The following MATN2 variants were observed in gnomAD, a reference collection of about 807,000 sequenced individuals.
The protein encoded by MATN2 is matrilin-2.
Under a neutral mutation model 103.2 loss-of-function variants are expected in MATN2, and 69 were observed. That is an observed-to-expected ratio of 0.67 (90% CI 0.55 to 0.82). The LOEUF (loss-of-function observed/expected upper bound fraction) is 0.82, where lower values mean the gene tolerates loss of function less well. Ranked by LOEUF, MATN2 falls within the 40% of genes least tolerant of loss-of-function variation. The pLI, the probability that MATN2 is intolerant of heterozygous loss-of-function variation, is 0.00. For synonymous variants in MATN2, 429 were observed against 450.2 expected, an observed-to-expected ratio of 0.95 and a Z score of 0.60; for missense variants, 1,023 against 1,211.5, an observed-to-expected ratio of 0.84 and a Z score of 2.31.
chr8:97,992,161 G>A (rs1400939709), intron 6 of MATN2, among the ~76,000 whole-genome samples: 1 of 152,144 alleles, frequency 6.6e-6, no homozygotes, highest in Middle Eastern at 3.2e-3. Context: ...AACACGGACT[G>A]TTTTTAAGGG....
rs555258922 is a variant in MATN2 at position 97,982,339 on chromosome 8, C to T, written c.1081+3331C>T. On this transcript the variant is annotated intron_variant, in intron 6 of 18. Coordinates refer to ENST00000254898, the MANE Select transcript of MATN2 (RefSeq NM_002380.5). The surrounding 1 kb of genome is among the most constrained non-coding windows in gnomAD (Gnocchi z 4.3). ...CAGGATAGAGGCAGAAGCTCAGAAC[C>T]GAAGCAGCCACCCTGTTTTAGTGAG... 4.2e-5 allele frequency among the ~76,000 whole-genome samples: 6 copies of T among 144,330 alleles called. No homozygotes were observed. The highest frequency in any genetic ancestry group is 8.8e-5 in the Non-Finnish European group (6 of 67,800). The allele number at this position is 144,330 out of a possible 152,430, so 94.7% of individuals were successfully genotyped here. A position where few individuals can be genotyped will look rare whatever the true frequency, so the allele number is the denominator to read the frequency against.
chr8:97,952,194 T>G (rs1404025231), intron 4 of MATN2: 1 of 152,230 alleles, frequency 6.6e-6, no homozygotes, highest in African/African-American at 2.4e-5. Flanking sequence ...TTTACCCAGT[T>G]GAGTGAAATG....
chr8:97,964,009 C>CT (rs1279182040), intron 5 of MATN2, among the ~76,000 whole-genome samples: 2 of 152,034 alleles, frequency 1.3e-5, no homozygotes, highest in Non-Finnish European at 2.9e-5. Context: ...ATCCTAATGG[C>CT]TAGGCTGGAA....
At chr8:97,906,198 G>C (rs1013918290) in intron 2 of MATN2, among the ~76,000 whole-genome samples, 3 of 152,108 alleles carry the variant, frequency 2.0e-5, no homozygotes, top group African/African-American at 7.2e-5. Context: ...ACCAATACTT[G>C]TTATTTTCAT....
At chr8:97,884,773 TAACAACA>T (rs1818371829) in intron 1 of MATN2, among the ~76,000 whole-genome samples, 1 of 151,700 alleles carries the variant, frequency 6.6e-6, no homozygotes, top group Non-Finnish European at 1.5e-5. Flanking sequence ...TGTCTCCAAA[TAACAACA>T]ACAACAACAA....
At chr8:97,981,351 A>C (rs1812014541) in intron 6 of MATN2, among the ~76,000 whole-genome samples, 1 of 151,890 alleles carries the variant, frequency 6.6e-6, no homozygotes. Context: ...CAATCCTCCC[A>C]CCTCAGCCTC....
At position 97,994,107 on chromosome 8, in the gene MATN2, AAAGGAAGG is replaced by A. The variant is rs149580915; in HGVS notation, c.1082-360_1082-353del. ...GAAAGAAAGAAGAAAGGAAGAAAGG[AAAGGAAGG>A]AAGGAAGGAAGGGAGAGAGAGGAAG... is the stretch of plus-strand genomic sequence containing the variant. On this transcript the variant is annotated intron_variant, in intron 6 of 18. Coordinates refer to ENST00000254898, the MANE Select transcript of MATN2 (RefSeq NM_002380.5). Among the ~76,000 whole-genome samples, 194 of 147,868 alleles carry A rather than the reference AAAGGAAGG, an allele frequency of 1.3e-3. 1 individual carries two copies. The highest frequency in any genetic ancestry group is 4.6e-3 in the African/African-American group (184 of 39,756).
rs145411665 is a variant in MATN2 at position 97,933,090 on chromosome 8, A to G, written c.712+1568A>G. Among the ~76,000 whole-genome samples the G allele has an allele frequency of 2.0e-5, 3 of 152,356 alleles. No individual in the cohort carries two copies. The East Asian group carries it at 5.8e-4, about 29-fold the overall frequency. The stretch of plus-strand genomic sequence containing the variant: ...CTGCTGAGAACTAACTTCAAAAAGC[A>G]CAGAGATCTCATTTGTTCTTGACTC... On this transcript the variant is annotated intron_variant, in intron 3 of 18. Transcript: ENST00000254898.
At chr8:97,941,972 C>T (rs920695336) in intron 4 of MATN2, 73 bp downstream of exon 4, 4 of 1,558,812 alleles carry the variant, frequency 2.6e-6, no homozygotes, top group East Asian at 4.7e-5. Flanking sequence ...TATCTGGGCT[C>T]ATTTTATTCA....
At position 97,988,777 on chromosome 8, in the gene MATN2, T is replaced by C. The variant is rs79985098; in HGVS notation, c.1082-5703T>C. On this transcript the variant is annotated intron_variant, in intron 6 of 18. Coordinates refer to ENST00000254898, the MANE Select transcript of MATN2 (RefSeq NM_002380.5). ...TACCAAAAATTTGAAGAAAAACTCA[T>C]ACTAATTCTACACAAATTATTCCAA... is the stretch of plus-strand genomic sequence containing the variant. 6.3e-3 allele frequency among the ~76,000 whole-genome samples: 967 copies of C among 152,284 alleles called. 13 individuals are homozygous for C. The highest frequency in any genetic ancestry group is 0.022 in the African/African-American group (910 of 41,560).
intron 4 of MATN2, among the ~76,000 whole-genome samples, chr8:97,957,216 G>A (rs1398621383): frequency 6.6e-6 from 1 of 152,230 alleles, no homozygotes; most frequent in Non-Finnish European, 1.5e-5. Flanking sequence ...GGTGGAGAAG[G>A]TGGAAGGCTG....
intron 12 of MATN2, among the ~76,000 whole-genome samples, chr8:98,020,236 C>T (rs1813539217): frequency 6.6e-6 from 1 of 152,190 alleles, no homozygotes; most frequent in African/African-American, 2.4e-5. Context: ...ATCTCCACCT[C>T]CTGGGCTCAA....
At chr8:97,882,401 CT>C (rs970922602) in intron 1 of MATN2, among the ~76,000 whole-genome samples, 2 of 150,104 alleles carry the variant, frequency 1.3e-5, no homozygotes, top group East Asian at 3.9e-4. Flanking sequence ...TTCTTTTTTT[CT>C]TTTTTTTGAG....
intron 6 of MATN2, among the ~76,000 whole-genome samples, chr8:97,987,560 AT>A (rs1315916974): frequency 6.6e-6 from 1 of 152,196 alleles, no homozygotes; most frequent in Non-Finnish European, 1.5e-5. Context: ...CCTGTTCTTC[AT>A]AAAATTATCC....
chr8:97,952,036 A>G (rs1427375277), intron 4 of MATN2: 1 of 152,200 alleles, frequency 6.6e-6, no homozygotes, highest in African/African-American at 2.4e-5. Context: ...TTCAAATCCA[A>G]ACTGCAGTTG....
intron 1 of MATN2, among the ~76,000 whole-genome samples, chr8:97,877,770 AG>A (rs1818124564): frequency 6.6e-6 from 1 of 152,224 alleles, no homozygotes; most frequent in African/African-American, 2.4e-5. Flanking sequence ...TCTACTGGTT[AG>A]GATTAAGTTC....
intron 4 of MATN2, among the ~76,000 whole-genome samples, chr8:97,945,840 T>C (rs566350486): frequency 4.6e-5 from 7 of 152,104 alleles, no homozygotes; most frequent in African/African-American, 1.7e-4. Flanking sequence ...ATTAGACTTC[T>C]GGCTTCCTCT....
At chr8:97,956,366 G>A (rs1377170623) in intron 4 of MATN2, among the ~76,000 whole-genome samples, 1 of 152,118 alleles carries the variant, frequency 6.6e-6, no homozygotes, top group Non-Finnish European at 1.5e-5. Context: ...TAATAGAGAT[G>A]GGGTTTCACC....
chr8:97,990,782 TA>T (rs1418474177), intron 6 of MATN2, among the ~76,000 whole-genome samples: 1 of 152,100 alleles, frequency 6.6e-6, no homozygotes, highest in Non-Finnish European at 1.5e-5. Flanking sequence ...AAAAAGAAGA[TA>T]AAAAATAAAA....
Sources: allele counts gnomAD v4.1 joint callset (sites outside exome capture counted in the v4.1 genomes callset), GRCh38; gene constraint gnomAD v4.1.1; non-coding constraint Gnocchi (gnomAD v3.1); transcripts MANE v1.5; gene names NCBI Gene and HGNC (gene_info 2026-07-23, HGNC 2026-07-21).